PCDHA6: variants seen among roughly 807,000 people sequenced by gnomAD.
PCDHA6 encodes the protein protocadherin alpha-6.
In PCDHA6, 55 loss-of-function variants were observed where a neutral mutation model predicts 60.3. That is an observed-to-expected ratio of 0.91 (90% CI 0.73 to 1.14). The LOEUF (loss-of-function observed/expected upper bound fraction) is 1.14. Among genes scored for constraint, PCDHA6 ranks in the 50% most tolerant of loss-of-function variants. PCDHA6 has a pLI of 0.00. For synonymous variants in PCDHA6, 652 were observed against 557.9 expected (o/e 1.17, Z -2.38); for missense variants, 1,327 against 1,256.5 (o/e 1.06, Z -0.85).
intron 1 of PCDHA6, chr5:140,967,158 T>G (rs1586192830): frequency 6.2e-7 from 1 of 1,610,448 alleles, no homozygotes. Context: ...CCCGTGGCGG[T>G]GAGCGCCGTT....
intron 1 of PCDHA6, among the ~76,000 whole-genome samples, chr5:140,957,690 T>G (rs2095375856): frequency 6.6e-6 from 1 of 152,060 alleles, no homozygotes; most frequent in South Asian, 2.1e-4. Context: ...ATCTAGACAA[T>G]GAACATTATG....
At chr5:140,861,503 C>T in intron 1 of PCDHA6, 3 of 478,536 alleles carry the variant, frequency 6.3e-6, no homozygotes, top group South Asian at 4.8e-5. Flanking sequence ...TGATAGACCT[C>T]GAGGAGCTGT....
In PCDHA6 at chr5:140,852,833, T is replaced by C; in HGVS notation, c.2394+22348T>C. 14 of 971,734 alleles carry C rather than the reference T, an allele frequency of 1.4e-5. 1 individual carries two copies. Among genetic ancestry groups the C allele is most frequent in the Non-Finnish European group, 1.5e-5 (12 of 804,770 alleles). 60.2% of individuals were successfully genotyped at this position (971,734 alleles called of 1,614,324 possible). On this transcript the variant is annotated intron_variant, in intron 1 of 3. Transcript: ENST00000529310. ...CCCGCCCTAAGTCCTCCAGTCTCCT[T>C]AGAGCTAGTACTTACTAAGCATTTA...
At chr5:140,848,867 G>A in intron 1 of PCDHA6, 1 of 1,590,766 alleles carries the variant, frequency 6.3e-7, no homozygotes, top group Non-Finnish European at 8.6e-7. Context: ...TGGAGGTGAA[G>A]GACATTAACG....
At chr5:140,875,236 C>G (rs2055366681) in intron 1 of PCDHA6, 2 of 889,228 alleles carry the variant, frequency 2.2e-6, no homozygotes, top group East Asian at 2.9e-5. Context: ...CTTTCTTGTA[C>G]TTACATAATC....
chr5:140,978,717 T>C (rs545119234), intron 1 of PCDHA6, among the ~76,000 whole-genome samples: 1 of 152,390 alleles, frequency 6.6e-6, no homozygotes, highest in East Asian at 1.9e-4. Context: ...TTTACAAGAT[T>C]ATTAAATCTG....
At chr5:140,843,387 C>T in intron 1 of PCDHA6, 1 of 1,596,066 alleles carries the variant, frequency 6.3e-7, no homozygotes, top group Non-Finnish European at 8.6e-7. Context: ...GTTTTGGGTC[C>T]GGAAGCGGCG....
intron 1 of PCDHA6, chr5:140,843,673 T>G: frequency 6.3e-7 from 1 of 1,592,546 alleles, no homozygotes; most frequent in Non-Finnish European, 8.6e-7. Flanking sequence ...GATCAGTTGA[T>G]GTAGGCGAAG....
At chr5:140,895,092 G>A (rs2064837860) in intron 1 of PCDHA6, among the ~76,000 whole-genome samples, 1 of 152,090 alleles carries the variant, frequency 6.6e-6, no homozygotes, top group Admixed American at 6.5e-5. Flanking sequence ...CCTCAGTATA[G>A]GGGTTTTTGC....
At chr5:140,871,294 T>C in intron 1 of PCDHA6, 1 of 1,613,852 alleles carries the variant, frequency 6.2e-7, no homozygotes, top group Non-Finnish European at 8.5e-7. Context: ...TGAGGGCGCG[T>C]GCGCGCCGGG....
intron 1 of PCDHA6, among the ~76,000 whole-genome samples, chr5:140,952,723 A>G (rs979234260): frequency 6.6e-6 from 1 of 152,168 alleles, no homozygotes; most frequent in Non-Finnish European, 1.5e-5. Flanking sequence ...AATTTTCTGT[A>G]CTAGTCTTTT....
At position 140,829,529 on chromosome 5, in the gene PCDHA6, C is replaced by G. The variant is rs2150169515; in HGVS notation, c.1438C>G (p.Arg480Gly). The change falls in exon 1 of 4, where the codon CGA becomes GGA. Residue 480 changes from arginine to glycine, a missense_variant. Coordinates refer to ENST00000529310, the MANE Select transcript of PCDHA6 (RefSeq NM_018909.4). ...PGCHIFTVSA[R>G]DADAQENALV... ...CTGCCACATCTTCACGGTGTCTGCG[C>G]GAGACGCGGACGCGCAGGAGAACGC... 1 of 1,613,270 alleles carries G rather than the reference C, an allele frequency of 6.2e-7. No homozygotes were observed. The highest frequency in any genetic ancestry group is 2.2e-5 in the East Asian group (1 of 44,888).
intron 1 of PCDHA6, among the ~76,000 whole-genome samples, chr5:140,847,026 G>T (rs1780819031): frequency 6.7e-6 from 1 of 149,736 alleles, no homozygotes; most frequent in Non-Finnish European, 1.5e-5. Flanking sequence ...TTCTTGGAAA[G>T]AGAAAACATA....
At chr5:140,862,596 G>A (rs543851067) in intron 1 of PCDHA6, 2 of 510,824 alleles carry the variant, frequency 3.9e-6, no homozygotes, top group East Asian at 1.0e-4. Flanking sequence ...CCGAGTACAT[G>A]GTGTTCGTGA....
At chr5:140,989,657 A>G (rs1045043697) in intron 3 of PCDHA6, among the ~76,000 whole-genome samples, 7 of 152,228 alleles carry the variant, frequency 4.6e-5, no homozygotes, top group African/African-American at 1.7e-4. Flanking sequence ...CAATATTTTA[A>G]AAGAAACTCT....
intron 1 of PCDHA6, among the ~76,000 whole-genome samples, chr5:140,911,737 G>A (rs187858302): frequency 3.4e-4 from 51 of 152,238 alleles, no homozygotes; most frequent in African/African-American, 9.9e-4. Flanking sequence ...TTCGTGCCAA[G>A]GACTATCAGT....
intron 1 of PCDHA6, among the ~76,000 whole-genome samples, chr5:140,905,770 C>T (rs1402548672): frequency 6.6e-6 from 1 of 151,878 alleles, no homozygotes; most frequent in African/African-American, 2.4e-5. Flanking sequence ...AAGTATATTC[C>T]GAAGTGTATT....
chr5:140,972,700 T>C (rs1353443535), intron 1 of PCDHA6, among the ~76,000 whole-genome samples: 3 of 147,702 alleles, frequency 2.0e-5, no homozygotes, highest in African/African-American at 7.5e-5. Context: ...AGTCTCACTC[T>C]GTTGCCAGGC....
At chr5:140,861,531 T>G (rs1219248238) in intron 1 of PCDHA6, 2 of 447,948 alleles carry the variant, frequency 4.5e-6, no homozygotes, top group Non-Finnish European at 9.2e-6. Flanking sequence ...GATCTCGGAG[T>G]GCAGCATCCA....
Sources: allele counts gnomAD v4.1 joint callset (sites outside exome capture counted in the v4.1 genomes callset), GRCh38; gene constraint gnomAD v4.1.1; transcripts MANE v1.5; gene names NCBI Gene and HGNC (gene_info 2026-07-23, HGNC 2026-07-21).